Variants in DNAH8 observed in about 807,000 individuals in gnomAD.
The protein encoded by DNAH8 is axonemal beta dynein heavy chain 8.
A neutral mutation model predicts 562.1 loss-of-function variants in DNAH8; 382 were observed. The observed-to-expected ratio is 0.68, with a 90% CI of 0.63 to 0.74. The LOEUF (loss-of-function observed/expected upper bound fraction) is 0.74. Ranked by LOEUF, DNAH8 falls within the 30% of genes least tolerant of loss-of-function variation. The pLI, the probability that DNAH8 is intolerant of heterozygous loss-of-function variation, is 0.00. For missense variants in DNAH8, 5,203 were observed against 5,620.4 expected, an observed-to-expected ratio of 0.93 and a Z score of 2.37; for synonymous variants, 1,881 against 1,919.4, an observed-to-expected ratio of 0.98 and a Z score of 0.52.
intron 82 of DNAH8, among the ~76,000 whole-genome samples, chr6:38,967,072 A>G (rs1410911606): frequency 6.6e-6 from 1 of 152,220 alleles, no homozygotes; most frequent in Non-Finnish European, 1.5e-5. Context: ...GCAGATGCAG[A>G]AAAGCATTGA....
In DNAH8 at chr6:38,964,760, G is replaced by A. The variant is rs115595690; in HGVS notation, c.12452-6832G>A. On this transcript the variant is annotated intron_variant, in intron 82 of 92. Transcript: ENST00000327475. ...ATTCACAACATACTGTTGAAACGTA[G>A]AGATATAAAATAATGTATAGTCCGG... 2.4e-3 allele frequency among the ~76,000 whole-genome samples: 360 copies of A among 152,186 alleles called. 4 individuals carry two copies. The highest frequency in any genetic ancestry group is 8.1e-3 in the African/African-American group (338 of 41,538).
At chr6:38,807,388 G>T (rs1172809313) in intron 23 of DNAH8, among the ~76,000 whole-genome samples, 2 of 152,130 alleles carry the variant, frequency 1.3e-5, no homozygotes, top group Admixed American at 1.3e-4. Context: ...CCTCTGGTTT[G>T]CTAGGGTGTT....
Position 38,993,434 on chromosome 6 carries a change from A to G in DNAH8, c.13214+3262A>G, listed in dbSNP as rs186422978. ...GTTTATTTGTTTCTGTTTGTATTAC[A>G]TTTAAGGGTTTTTTTCCCCCACATA... On this transcript the variant is annotated intron_variant, in intron 88 of 92. Transcript: ENST00000327475. Among the ~76,000 whole-genome samples the G allele has an allele frequency of 1.5e-3, 184 of 126,522 alleles. 2 individuals carry two copies. Among genetic ancestry groups the G allele is most frequent in the African/African-American group, 4.5e-3 (165 of 36,522 alleles). 83.0% of individuals were successfully genotyped at this position (126,522 alleles called of 152,430 possible).
intron 35 of DNAH8, 113 bp downstream of exon 35, chr6:38,843,016 G>A: frequency 1.9e-6 from 2 of 1,066,174 alleles, no homozygotes; most frequent in Non-Finnish European, 1.3e-6. Flanking sequence ...CCTCTATAAT[G>A]CACCCTCAAA....
intron 41 of DNAH8, 148 bp downstream of exon 41, chr6:38,853,495 T>G: frequency 1.2e-6 from 1 of 827,296 alleles, no homozygotes; most frequent in Non-Finnish European, 1.9e-6. Context: ...TAGCCTCAGC[T>G]CCCAACCACC....
chr6:38,862,634 A>G lies in DNAH8; in HGVS notation c.6310+176A>G, dbSNP rs9380791. 0.42 allele frequency among the ~76,000 whole-genome samples: 64,113 copies of G among 152,016 alleles called. 14,154 individuals are homozygous for G. Among genetic ancestry groups the G allele is most frequent in the East Asian group, 0.69 (3,580 of 5,160 alleles). On this transcript the variant is annotated intron_variant, in intron 44 of 92. Transcript: ENST00000327475. ...AAAATGGCTGGATATCAACAGTTTC[A>G]TATGGTTCAATACTATTGCTAGTGT...
chr6:39,030,078 C>CTAT, intron 92 of DNAH8, 27 bp from the exon 93 acceptor site: 1 of 1,588,242 alleles, frequency 6.3e-7, no homozygotes, highest in Non-Finnish European at 8.6e-7. Flanking sequence ...AAAATAAATC[C>CTAT]TATTACCTTA....
At chr6:38,853,416 T>C in intron 41 of DNAH8, 69 bp downstream of exon 41, 1 of 1,534,212 alleles carries the variant, frequency 6.5e-7, no homozygotes, top group Non-Finnish European at 8.9e-7. Flanking sequence ...GCTTAGCAGG[T>C]GGTTGACCTG....
intron 91 of DNAH8, among the ~76,000 whole-genome samples, chr6:39,017,738 G>A (rs564677289): frequency 3.9e-5 from 6 of 152,260 alleles, no homozygotes; most frequent in African/African-American, 1.2e-4. Context: ...TTTTCAGTTA[G>A]AGGCAATCCT....
At chr6:38,953,534 A>G (rs1169510381) in intron 82 of DNAH8, among the ~76,000 whole-genome samples, 1 of 152,144 alleles carries the variant, frequency 6.6e-6, no homozygotes, top group Non-Finnish European at 1.5e-5. Flanking sequence ...TCCAACAACA[A>G]TCCAGGCTTC....
chr6:38,995,280 G>T (rs1162142366), intron 88 of DNAH8, among the ~76,000 whole-genome samples: 2 of 152,046 alleles, frequency 1.3e-5, no homozygotes, highest in Non-Finnish European at 2.9e-5. Flanking sequence ...GGGTTCGGAG[G>T]TATTATTCTC....
chr6:38,718,320 T>C (rs942869081), intron 1 of DNAH8, among the ~76,000 whole-genome samples: 1 of 150,536 alleles, frequency 6.6e-6, no homozygotes, highest in Non-Finnish European at 1.5e-5. Context: ...GCTACAGTTT[T>C]TAGGAATTCC....
At chr6:38,804,615 CT>C (rs760870649) in intron 22 of DNAH8, among the ~76,000 whole-genome samples, 9 of 152,008 alleles carry the variant, frequency 5.9e-5, no homozygotes, top group African/African-American at 1.9e-4. Context: ...CGAAGGAGAC[CT>C]GAGAGATGGC....
At position 39,008,900 on chromosome 6, in the gene DNAH8, G is replaced by A. The variant is rs267601022; in HGVS notation, c.13301G>A (p.Arg4434Gln). 2.5e-6 allele frequency: 4 copies of A among 1,607,884 alleles called. No homozygotes were observed. The highest frequency in any genetic ancestry group is 1.1e-5 in the South Asian group (1 of 90,936). Residue 4434 changes from arginine (R) to glutamine (Q), a missense_variant, in exon 89 of 93, where the codon CGG becomes CAG. Physicochemically the swap from Arg to Gln is conservative, Grantham distance 43. Around this residue, in one of 6 missense-constraint regions of DNAH8, gnomAD observed 1,399 missense variants for 1,518.4 expected, o/e 0.92. Transcript: ENST00000327475. The part of the protein sequence containing the change: ...KESGGGVGET[R>Q]EAIVYRLSED... Reference sequence around the variant, plus strand: ...AGTGGAGGTGGTGTGGGAGAGACCCGGGAGGCTATTGTTTATAGATTATCT... The same window carrying A: ...AGTGGAGGTGGTGTGGGAGAGACCCAGGAGGCTATTGTTTATAGATTATCT...
chr6:38,766,742 T>G (rs1344643536), intron 11 of DNAH8, among the ~76,000 whole-genome samples: 1 of 151,986 alleles, frequency 6.6e-6, no homozygotes, highest in Non-Finnish European at 1.5e-5. Context: ...GAAGTGAGGA[T>G]GTGCTAATTA....
Position 38,852,774 on chromosome 6 carries a change from A to C in DNAH8, c.5547A>C (p.Ile1849=), listed in dbSNP as rs776384266. The C allele has an allele frequency of 2.5e-6, 4 of 1,613,098 alleles. No homozygotes were observed. The East Asian group carries it at 8.9e-5, about 36-fold the overall frequency. The part of the protein sequence containing the change: ...AKDYDRIMAV[I]SREGEKIVLD... Reference sequence around the variant, plus strand: ...ACTATGATCGCATCATGGCCGTCATATCAAGAGAAGGAGAAAAAATTGTTG... The same window carrying C: ...ACTATGATCGCATCATGGCCGTCATCTCAAGAGAAGGAGAAAAAATTGTTG... Residue 1849 remains isoleucine (I), a synonymous_variant, in exon 40 of 93, where the codon ATA becomes ATC. Transcript: ENST00000327475.
At chr6:38,836,125 T>C (rs530035708) in intron 32 of DNAH8, among the ~76,000 whole-genome samples, 51 of 152,298 alleles carry the variant, frequency 3.3e-4, no homozygotes, top group African/African-American at 1.2e-3. Context: ...AAGGTAGAAC[T>C]ACTTATCGAA....
chr6:38,948,969 C>G (rs937882909), intron 80 of DNAH8, among the ~76,000 whole-genome samples: 1 of 152,122 alleles, frequency 6.6e-6, no homozygotes, highest in Non-Finnish European at 1.5e-5. Flanking sequence ...AATGGTCTGT[C>G]AGTGGTTCTC....
intron 18 of DNAH8, among the ~76,000 whole-genome samples, chr6:38,787,296 A>G (rs1647824592): frequency 6.6e-6 from 1 of 152,172 alleles, no homozygotes; most frequent in Admixed American, 6.5e-5. Context: ...ATAAATTAAT[A>G]AAGTGGGGTG....
Sources: gnomAD v4.1 joint callset for allele counts (sites outside exome capture counted in the v4.1 genomes callset) on GRCh38, gnomAD v4.1.1 for gene constraint, gnomAD v4.1.1 regional missense constraint, MANE v1.5 for transcripts, NCBI Gene and HGNC (gene_info 2026-07-23, HGNC 2026-07-21) for gene names.